PLCD1: variants seen among roughly 807,000 people sequenced by gnomAD.
The protein encoded by PLCD1 is phospholipase C delta 1.
A neutral mutation model predicts 87.4 loss-of-function variants in PLCD1; 71 were observed. That is an observed-to-expected ratio of 0.81 (90% CI 0.67 to 0.99). The LOEUF (loss-of-function observed/expected upper bound fraction) is 0.99, where lower values mean the gene tolerates loss of function less well. PLCD1 is among the 50% of genes least tolerant of loss of function. PLCD1 has a pLI of 0.00. For synonymous variants in PLCD1, 348 were observed against 399.2 expected (o/e 0.87, Z 1.53); for missense variants, 867 against 1,001.5 (o/e 0.87, Z 1.81).
At chr3:38,014,830 T>C (rs1700131399) in intron 3 of PLCD1, among the ~76,000 whole-genome samples, 1 of 152,218 alleles carries the variant, frequency 6.6e-6, no homozygotes, top group Admixed American at 6.5e-5. Flanking sequence ...TGAATAGATA[T>C]TTCTCCAAAG....
intron 1 of PLCD1, among the ~76,000 whole-genome samples, chr3:38,026,401 C>T (rs1007117398): frequency 2.0e-5 from 3 of 152,182 alleles, no homozygotes; most frequent in African/African-American, 7.2e-5. Flanking sequence ...CACCTGTAAT[C>T]CCAGCTACTT....
intron 1 of PLCD1, among the ~76,000 whole-genome samples, chr3:38,028,381 A>C (rs1204678879): frequency 6.6e-6 from 1 of 152,222 alleles, no homozygotes; most frequent in African/African-American, 2.4e-5. Flanking sequence ...GGCCAGGAGG[A>C]CCAGGTCTGT....
intron 9 of PLCD1, 97 bp from the exon 10 acceptor site, chr3:38,009,528 C>G (rs1330918973): frequency 6.4e-7 from 1 of 1,558,870 alleles, no homozygotes. Flanking sequence ...CAGAGGGAGA[C>G]AGACAGAGAG....
intron 1 of PLCD1, among the ~76,000 whole-genome samples, chr3:38,028,481 C>T (rs530341971): frequency 4.6e-5 from 7 of 152,326 alleles, no homozygotes; most frequent in African/African-American, 1.7e-4. Context: ...TAGTGGAAGG[C>T]TAGAGGACTC....
intron 1 of PLCD1, 86 bp from the exon 2 acceptor site, chr3:38,020,438 C>A: frequency 7.9e-7 from 1 of 1,267,032 alleles, no homozygotes; most frequent in Non-Finnish European, 1.1e-6. Flanking sequence ...CCACCTCGAC[C>A]CTCTCAGAGC....
In PLCD1 at chr3:38,009,101, C is replaced by T; in HGVS notation, c.1664G>A (p.Trp555Ter). ...GCTGTAGTTGGAGGAGTCTGTTCTCCATCCAGCCGGGTAGATTCTGCTCAG... is the reference window on the plus strand; with the variant it reads ...GCTGTAGTTGGAGGAGTCTGTTCTCTATCCAGCCGGGTAGATTCTGCTCAG... The part of the protein sequence containing the change: ...GHLSRIYPAG[W>*]RTDSSNYSPV... The change falls in exon 11 of 15, where the codon TGG becomes TAG. Residue 555 changes from tryptophan (W) to a stop codon, truncating the protein, a stop_gained. Transcript: ENST00000334661. LOFTEE classifies it high-confidence loss of function. 6.2e-7 allele frequency: 1 copy of T among 1,614,064 alleles called. No homozygotes were observed. The highest frequency in any genetic ancestry group is 1.1e-5 in the South Asian group (1 of 91,068).
rs575483123 is a variant in PLCD1 at position 38,009,707 on chromosome 3, C to G, written c.1392G>C (p.Glu464Asp). 1 of 1,614,192 alleles carries G rather than the reference C, an allele frequency of 6.2e-7. No homozygotes were observed. The highest frequency in any genetic ancestry group is 1.1e-5 in the South Asian group (1 of 91,090). ...PEATVVSDED[E>D]AAEMEDEAVR... ...CTGCCTCATCCTCCATCTCAGCAGC[C>G]TCGTCTTCGTCTGACACCACAGTGG... Residue 464 changes from glutamate to aspartate, a missense_variant, in exon 9 of 15, where the codon GAG (glutamate) becomes GAC (aspartate). Glu to Asp is a conservative substitution (Grantham distance 45). Coordinates refer to ENST00000334661, the MANE Select transcript of PLCD1 (RefSeq NM_006225.4).
chr3:38,018,790 T>C lies in PLCD1; in HGVS notation c.199+1398A>G, dbSNP rs1700192582. On this transcript the variant is annotated intron_variant, in intron 2 of 14. Transcript: ENST00000334661. This position sits in a 1 kb window ranked among gnomAD's most constrained non-coding sequence, Gnocchi z 5.7. Reference sequence around the variant, plus strand: ...CCTGTCTGGCGCCACAGAGAAAAGGTCAGGCGGTCACTCCTGTACAGTGTG... The same window carrying C: ...CCTGTCTGGCGCCACAGAGAAAAGGCCAGGCGGTCACTCCTGTACAGTGTG... 6.6e-6 allele frequency among the ~76,000 whole-genome samples: 1 copy of C among 150,604 alleles called. No homozygotes were observed. Among genetic ancestry groups the C allele is most frequent in the Non-Finnish European group, 1.5e-5 (1 of 67,676 alleles).
chr3:38,009,823 G>A lies in PLCD1; in HGVS notation c.1288-12C>T, dbSNP rs1306923661. On this transcript the variant is annotated splice_polypyrimidine_tract_variant and intron_variant, in intron 8 of 14. Transcript: ENST00000334661. ...TTCCCCTTCAGTTGCTAGGTGGGGA[G>A]GGGCAACTGGTCAAGACACACCTAG... The A allele has an allele frequency of 3.7e-6, 6 of 1,613,742 alleles. No homozygotes were observed. Among genetic ancestry groups the A allele is most frequent in the East Asian group, 2.2e-5 (1 of 44,870 alleles).
intron 1 of PLCD1, among the ~76,000 whole-genome samples, chr3:38,022,972 T>G (rs1218567233): frequency 6.6e-6 from 1 of 151,866 alleles, no homozygotes; most frequent in African/African-American, 2.4e-5. Flanking sequence ...TTTGCATCAA[T>G]CTAAGAGCTT....
rs1159828794 is a variant in PLCD1 at position 38,016,732 on chromosome 3, G to T, written c.200-13C>A. The T allele has an allele frequency of 2.6e-6, 4 of 1,518,748 alleles. No individual in the cohort carries two copies. Among genetic ancestry groups the T allele is most frequent in the Admixed American group, 3.9e-5 (2 of 50,984 alleles). The allele number at this position is 1,518,748 out of a possible 1,614,324, so 94.1% of individuals were successfully genotyped here. ...TCCTCGATGGAGACTGCGAGAGGGG[G>T]ATGGTGGAGGAGAGAGGGAGAGAAT... is the stretch of plus-strand genomic sequence containing the variant. On this transcript the variant is annotated splice_polypyrimidine_tract_variant and intron_variant, in intron 2 of 14. Transcript: ENST00000334661.
intron 1 of PLCD1, among the ~76,000 whole-genome samples, chr3:38,022,649 C>A (rs946384879): frequency 6.6e-6 from 1 of 152,184 alleles, no homozygotes; most frequent in Non-Finnish European, 1.5e-5. Context: ...CAGCTGCCAA[C>A]AATGGTTTCT....
At position 38,011,763 on chromosome 3, in the gene PLCD1, A is replaced by G. The variant is rs145766398; in HGVS notation, c.429-90T>C. The G allele has an allele frequency of 1.6e-4, 208 of 1,286,374 alleles. 1 individual carries two copies. Among genetic ancestry groups the G allele is most frequent in the Non-Finnish European group, 2.2e-4 (192 of 886,282 alleles). The allele number at this position is 1,286,374 out of a possible 1,614,324, so 79.7% of individuals were successfully genotyped here. A position where few individuals can be genotyped will look rare whatever the true frequency, so the allele number is the denominator to read the frequency against. On this transcript the variant is annotated intron_variant, in intron 3 of 14. Coordinates refer to ENST00000334661, the MANE Select transcript of PLCD1 (RefSeq NM_006225.4). Reference sequence around the variant, plus strand: ...TGGATGGCTCCAGCTGAAGCCACCTATAGCCACAGCTCCCTGCAGGCCTGA... The same window carrying G: ...TGGATGGCTCCAGCTGAAGCCACCTGTAGCCACAGCTCCCTGCAGGCCTGA...
rs763686925 is a variant in PLCD1 at position 38,008,011 on chromosome 3, C to A, written c.2185+3G>T. The A allele has an allele frequency of 1.2e-6, 2 of 1,614,204 alleles. No homozygotes were observed. The highest frequency in any genetic ancestry group is 1.1e-5 in the South Asian group (1 of 91,082). Reference sequence around the variant, plus strand: ...TTGGCCATCCCCTTCTCTTGACACTCACCTTGCTTGAGGCTGTTCAAGGGG... The same window carrying A: ...TTGGCCATCCCCTTCTCTTGACACTAACCTTGCTTGAGGCTGTTCAAGGGG... On this transcript the variant is annotated splice_donor_region_variant and intron_variant, in intron 14 of 14. Coordinates refer to ENST00000334661, the MANE Select transcript of PLCD1 (RefSeq NM_006225.4).
At chr3:38,012,172 C>CTT (rs924871867) in intron 3 of PLCD1, among the ~76,000 whole-genome samples, 2 of 131,942 alleles carry the variant, frequency 1.5e-5, no homozygotes, top group East Asian at 2.2e-4. Flanking sequence ...CCACGCCTGG[C>CTT]TTTTTTTTTT....
intron 5 of PLCD1, 125 bp from the exon 6 acceptor site, chr3:38,010,687 A>G: frequency 1.4e-6 from 1 of 732,940 alleles, no homozygotes. Flanking sequence ...AGTCTTCCAG[A>G]GCTCTTGGAA....
Position 38,009,074 on chromosome 3 carries a change from G to A in PLCD1, c.1691C>T (p.Pro564Leu). ...GWRTDSSNYS[P>L]VEMWNGGCQI... ...GCAGCCCCCATTCCACATCTCCACG[G>A]GGCTGTAGTTGGAGGAGTCTGTTCT... The change falls in exon 11 of 15, where the codon CCC (proline) becomes CTC (leucine). Residue 564 changes from proline to leucine, a missense_variant. By Grantham distance (98) the Pro-to-Leu change is moderately conservative. Coordinates refer to ENST00000334661, the MANE Select transcript of PLCD1 (RefSeq NM_006225.4). 1 of 1,613,622 alleles carries A rather than the reference G, an allele frequency of 6.2e-7. No individual in the cohort carries two copies. The highest frequency in any genetic ancestry group is 8.5e-7 in the Non-Finnish European group (1 of 1,179,934).
At chr3:38,016,006 G>A (rs749958934) in intron 3 of PLCD1, among the ~76,000 whole-genome samples, 44 of 152,300 alleles carry the variant, frequency 2.9e-4, no homozygotes, top group Non-Finnish European at 5.0e-4. Context: ...AGACCAAAGA[G>A]GGCTTCATGT....
Position 38,009,757 on chromosome 3 carries a change from G to T in PLCD1, c.1342C>A (p.Pro448Thr), listed in dbSNP as rs1283977200. The T allele has an allele frequency of 6.2e-7, 1 of 1,614,044 alleles. No homozygotes were observed. The highest frequency in any genetic ancestry group is 1.3e-5 in the African/African-American group (1 of 75,044). The change falls in exon 9 of 15, where the codon CCT (proline) becomes ACT (threonine). Residue 448 changes from proline (P) to threonine (T), a missense_variant. Coordinates refer to ENST00000334661, the MANE Select transcript of PLCD1 (RefSeq NM_006225.4). ...KGKKLGGLLP[P>T]GGEGGPEATV... The stretch of plus-strand genomic sequence containing the variant: ...GCCTCAGGGCCACCCTCCCCTCCAG[G>T]GGGCAGGAGCCCCCCGAGCTTCTTC...
Sources: allele counts gnomAD v4.1 joint callset (sites outside exome capture counted in the v4.1 genomes callset), GRCh38; gene constraint gnomAD v4.1.1; non-coding constraint Gnocchi (gnomAD v3.1); transcripts MANE v1.5; gene names NCBI Gene and HGNC (gene_info 2026-07-23, HGNC 2026-07-21).